Variants in OSBPL10 observed in about 807,000 individuals in gnomAD.
The protein encoded by OSBPL10 is oxysterol binding protein like 10, also known as oxysterol-binding protein-related protein 10.
Under a neutral mutation model 81.7 loss-of-function variants are expected in OSBPL10, and 49 were observed. That is an observed-to-expected ratio of 0.60 (90% CI 0.48 to 0.76). The LOEUF is 0.76. Among genes scored for constraint, OSBPL10 ranks in the 30% least tolerant of loss-of-function variants. OSBPL10 has a pLI of 0.00. For synonymous variants in OSBPL10, 419 were observed against 383.6 expected (o/e 1.09, Z -1.08); for missense variants, 923 against 987.8 (o/e 0.93, Z 0.88).
At chr3:31,787,507 A>C (rs1256005869) in intron 4 of OSBPL10, among the ~76,000 whole-genome samples, 2 of 151,922 alleles carry the variant, frequency 1.3e-5, no homozygotes, top group African/African-American at 2.4e-5. Context: ...AGGCAGGAGA[A>C]TCGCTTGAAC....
chr3:31,720,854 C>T (rs920930084), intron 6 of OSBPL10, among the ~76,000 whole-genome samples: 3 of 139,098 alleles, frequency 2.2e-5, no homozygotes, highest in Non-Finnish European at 4.5e-5. Context: ...TGCACTCCAG[C>T]CTGGGCAACA....
In OSBPL10 at chr3:31,980,843, A is replaced by G. The variant is rs1406776362; in HGVS notation, c.281+56T>C. ...CAGACACACATACACACACGCACGC[A>G]CACACACACACACACACACAGCGGC... is the stretch of plus-strand genomic sequence containing the variant. On this transcript the variant is annotated intron_variant, in intron 1 of 11. Transcript: ENST00000396556. 21 of 249,600 alleles carry G rather than the reference A, an allele frequency of 8.4e-5. No homozygotes were observed. In the East Asian group the frequency reaches 1.4e-3, roughly 17 times the overall value. 15.5% of individuals were successfully genotyped at this position (249,600 alleles called of 1,614,324 possible).
chr3:31,720,798 G>A (rs1254731280), intron 6 of OSBPL10, among the ~76,000 whole-genome samples: 4 of 149,854 alleles, frequency 2.7e-5, no homozygotes, highest in African/African-American at 9.9e-5. Flanking sequence ...TATTGGGGAG[G>A]CTGAGGCATG....
intron 1 of OSBPL10, among the ~76,000 whole-genome samples, chr3:31,935,368 T>A (rs1422467110): frequency 2.0e-5 from 3 of 152,180 alleles, no homozygotes; most frequent in East Asian, 3.8e-4. Flanking sequence ...ACTTTTTTTT[T>A]ATACAGTATT....
intron 3 of OSBPL10, among the ~76,000 whole-genome samples, chr3:31,837,656 A>T (rs1700394695): frequency 6.6e-6 from 1 of 151,428 alleles, no homozygotes. Context: ...TTTCAAAAAA[A>T]AAAAAAAATC....
chr3:31,867,149 T>C (rs1377172378), intron 3 of OSBPL10, among the ~76,000 whole-genome samples: 1 of 152,140 alleles, frequency 6.6e-6, no homozygotes, highest in East Asian at 1.9e-4. Context: ...CCATCCTCAG[T>C]GTAGCCACCA....
intron 1 of OSBPL10, among the ~76,000 whole-genome samples, chr3:31,920,637 C>T (rs1223097948): frequency 1.3e-5 from 2 of 152,116 alleles, no homozygotes; most frequent in African/African-American, 4.8e-5. Flanking sequence ...GGATATCAGT[C>T]CCTTCCAAAT....
At chr3:32,008,190 T>C (rs1699222097) in intron 2 of OSBPL10, among the ~76,000 whole-genome samples, 1 of 151,400 alleles carries the variant, frequency 6.6e-6, no homozygotes, top group African/African-American at 2.4e-5. Context: ...TTTTTTTTTT[T>C]TGAGACAAGT....
chr3:31,970,813 C>T (rs1177184718), intron 1 of OSBPL10, among the ~76,000 whole-genome samples: 2 of 152,024 alleles, frequency 1.3e-5, no homozygotes, highest in African/African-American at 4.8e-5. Context: ...TTTTTTTAGC[C>T]TAGTCTGTCT....
At chr3:31,708,604 C>T (rs889339278) in intron 6 of OSBPL10, 2 of 545,438 alleles carry the variant, frequency 3.7e-6, no homozygotes, top group African/African-American at 2.1e-5. Flanking sequence ...ACATGACTAC[C>T]AAGTGCAAGG....
intron 4 of OSBPL10, among the ~76,000 whole-genome samples, chr3:31,768,065 T>C (rs1698256676): frequency 6.6e-6 from 1 of 152,192 alleles, no homozygotes; most frequent in Admixed American, 6.5e-5. Context: ...TTCATGAGTT[T>C]TCCGGGAAAG....
At chr3:31,855,629 G>T (rs149598535) in intron 3 of OSBPL10, among the ~76,000 whole-genome samples, 1 of 152,248 alleles carries the variant, frequency 6.6e-6, no homozygotes, top group East Asian at 1.9e-4. Flanking sequence ...ACACAGACAT[G>T]CAGTGTTTGT....
chr3:31,710,812 C>A (rs1696229071), intron 6 of OSBPL10: 1 of 152,180 alleles, frequency 6.6e-6, no homozygotes, highest in African/African-American at 2.4e-5. Flanking sequence ...CCATTCTAGC[C>A]TTCCTGGAGC....
intron 3 of OSBPL10, among the ~76,000 whole-genome samples, chr3:31,860,608 T>A (rs1175893698): frequency 1.3e-5 from 2 of 152,174 alleles, no homozygotes; most frequent in African/African-American, 4.8e-5. Context: ...AAAAAGTTCA[T>A]GTATGTTCTT....
intron 4 of OSBPL10, among the ~76,000 whole-genome samples, chr3:31,808,690 C>T (rs1283907384): frequency 6.6e-6 from 1 of 152,228 alleles, no homozygotes; most frequent in Admixed American, 6.5e-5. Context: ...TTCTACATTC[C>T]TTTCCGATAT....
At chr3:31,871,115 C>T (rs576978862) in intron 3 of OSBPL10, among the ~76,000 whole-genome samples, 8 of 151,580 alleles carry the variant, frequency 5.3e-5, no homozygotes, top group Non-Finnish European at 1.0e-4. Flanking sequence ...AGTGGCAACC[C>T]GTTCCCGTCC....
At chr3:31,837,370 TATATA>T (rs1700384844) in intron 3 of OSBPL10, among the ~76,000 whole-genome samples, 1 of 28,908 alleles carries the variant, frequency 3.5e-5, no homozygotes, top group Non-Finnish European at 8.3e-5. Context: ...TATATATATA[TATATA>T]GTAAGTAACA....
chr3:31,962,514 T>C (rs1559533593), intron 1 of OSBPL10, among the ~76,000 whole-genome samples: 1 of 144,348 alleles, frequency 6.9e-6, no homozygotes, highest in East Asian at 2.0e-4. Context: ...CTACATATTA[T>C]AAAAGTAATG....
At chr3:32,011,441 A>G (rs1699257369) in intron 2 of OSBPL10, among the ~76,000 whole-genome samples, 1 of 152,232 alleles carries the variant, frequency 6.6e-6, no homozygotes, top group African/African-American at 2.4e-5. Flanking sequence ...CCCCATCTGT[A>G]CGTCACCATC....
Sources: gnomAD v4.1 joint callset for allele counts (sites outside exome capture counted in the v4.1 genomes callset) on GRCh38, gnomAD v4.1.1 for gene constraint, MANE v1.5 for transcripts, NCBI Gene and HGNC (gene_info 2026-07-23, HGNC 2026-07-21) for gene names.